The following ARHGAP26 variants were observed in gnomAD, a reference collection of about 807,000 sequenced individuals.
The protein encoded by ARHGAP26 is rho GTPase-activating protein 26.
A neutral mutation model predicts 104.8 loss-of-function variants in ARHGAP26; 38 were observed. That is an observed-to-expected ratio of 0.36 (90% CI 0.28 to 0.48). ARHGAP26 has a LOEUF of 0.48. ARHGAP26 is among the 20% of genes least tolerant of loss of function. ARHGAP26 has a pLI of 0.99. For missense variants in ARHGAP26, 704 were observed against 947.9 expected (o/e 0.74, Z 3.38); for synonymous variants, 341 against 340.0 (o/e 1.00, Z -0.03).
chr5:142,859,213 A>G (rs551912298), intron 1 of ARHGAP26, among the ~76,000 whole-genome samples: 225 of 152,208 alleles, frequency 1.5e-3, no homozygotes, highest in Non-Finnish European at 2.2e-3. Context: ...GGGGAGGCCA[A>G]TTAGGAGTCC....
intron 1 of ARHGAP26, among the ~76,000 whole-genome samples, chr5:142,794,549 A>G (rs1171994628): frequency 6.6e-6 from 1 of 152,170 alleles, no homozygotes; most frequent in Non-Finnish European, 1.5e-5. Context: ...AACCCTGGAC[A>G]TTCAAATTTG....
At chr5:143,020,723 C>G (rs546903493) in intron 12 of ARHGAP26, among the ~76,000 whole-genome samples, 1 of 151,050 alleles carries the variant, frequency 6.6e-6, no homozygotes, top group South Asian at 2.1e-4. Context: ...ACTGCAAGCT[C>G]CCCCTCCCGG....
intron 18 of ARHGAP26, among the ~76,000 whole-genome samples, chr5:143,129,048 G>C (rs866449700): frequency 1.3e-5 from 2 of 152,206 alleles, no homozygotes; most frequent in African/African-American, 4.8e-5. Flanking sequence ...ACATGGATAA[G>C]AACAGATTCC....
At chr5:142,921,485 A>C (rs1231659058) in intron 10 of ARHGAP26, 2 of 167,096 alleles carry the variant, frequency 1.2e-5, no homozygotes, top group Non-Finnish European at 2.9e-5. Flanking sequence ...TATTTAAACT[A>C]AACTTTTAGC....
intron 11 of ARHGAP26, among the ~76,000 whole-genome samples, chr5:142,981,220 C>T (rs1250136973): frequency 6.6e-6 from 1 of 152,212 alleles, no homozygotes; most frequent in Non-Finnish European, 1.5e-5. Flanking sequence ...GTTCAAGTCC[C>T]AACCTTGCTA....
chr5:142,826,743 C>G (rs1396879990), intron 1 of ARHGAP26, among the ~76,000 whole-genome samples: 4 of 152,090 alleles, frequency 2.6e-5, no homozygotes, highest in Non-Finnish European at 5.9e-5. Context: ...CCTTAAAGCC[C>G]AGGTCAGTCT....
chr5:143,184,737 C>A (rs1301613969), intron 20 of ARHGAP26, among the ~76,000 whole-genome samples: 3 of 152,164 alleles, frequency 2.0e-5, no homozygotes, highest in Non-Finnish European at 4.4e-5. Context: ...GGATCTGCCC[C>A]ATTTTTGCCT....
chr5:142,890,625 G>T (rs1758525465), intron 5 of ARHGAP26, among the ~76,000 whole-genome samples: 2 of 152,122 alleles, frequency 1.3e-5, no homozygotes, highest in Non-Finnish European at 2.9e-5. Flanking sequence ...AGAGAGACCA[G>T]TTAGGAGAGA....
At chr5:143,191,165 A>G (rs1193849673) in intron 20 of ARHGAP26, among the ~76,000 whole-genome samples, 1 of 152,242 alleles carries the variant, frequency 6.6e-6, no homozygotes, top group East Asian at 1.9e-4. Context: ...TAAGGCAGAT[A>G]AATTTCATGG....
intron 11 of ARHGAP26, 118 bp downstream of exon 11, chr5:142,932,243 C>A: frequency 1.1e-6 from 1 of 883,804 alleles, no homozygotes; most frequent in South Asian, 1.4e-5. Flanking sequence ...ACCAGTGTAC[C>A]AGAGGTGGTT....
At chr5:143,079,573 T>C (rs148843291) in intron 17 of ARHGAP26, among the ~76,000 whole-genome samples, 307 of 152,328 alleles carry the variant, frequency 2.0e-3, no homozygotes, top group African/African-American at 6.8e-3. Context: ...CCTGGTATTG[T>C]CGGCCCCATA....
intron 20 of ARHGAP26, chr5:143,202,666 A>G (rs113191756): frequency 3.3e-5 from 5 of 152,274 alleles, no homozygotes; most frequent in African/African-American, 1.2e-4. Context: ...TGCTACCTGG[A>G]TTCAAACTAT....
At chr5:142,985,478 G>C (rs994113962) in intron 11 of ARHGAP26, among the ~76,000 whole-genome samples, 1 of 151,742 alleles carries the variant, frequency 6.6e-6, no homozygotes, top group Non-Finnish European at 1.5e-5. Flanking sequence ...CTCCATTCAT[G>C]GTAAGCACTT....
At chr5:143,208,818 C>CT (rs1260466485) in intron 21 of ARHGAP26, among the ~76,000 whole-genome samples, 1 of 152,100 alleles carries the variant, frequency 6.6e-6, no homozygotes, top group Non-Finnish European at 1.5e-5. Context: ...TTCAGTAATT[C>CT]TTTTTTTTCT....
At chr5:143,216,269 A>T (rs771916442) in intron 22 of ARHGAP26, 36 of 471,008 alleles carry the variant, frequency 7.6e-5, no homozygotes, top group Non-Finnish European at 1.4e-4. Context: ...GGGCACTTCC[A>T]CTGGCCGCCT....
intron 18 of ARHGAP26, 21 bp from the exon 19 acceptor site, chr5:143,133,946 G>A (rs1599163747): frequency 6.3e-7 from 1 of 1,599,442 alleles, no homozygotes; most frequent in Non-Finnish European, 8.5e-7. Flanking sequence ...GAGTAACCTT[G>A]TTGTGAAACT....
chr5:143,159,613 C>T (rs1211326795), intron 20 of ARHGAP26, among the ~76,000 whole-genome samples: 1 of 152,168 alleles, frequency 6.6e-6, no homozygotes, highest in Non-Finnish European at 1.5e-5. Context: ...TCCCTGGAGC[C>T]TCAGAGTTAA....
At position 142,779,424 on chromosome 5, in the gene ARHGAP26, G is replaced by GGGGTGT. The variant is rs535615737; in HGVS notation, c.154+8510_154+8511insGGTGTG. ...AAGAGGAGATTCCTGGGGTTAGGGT[G>GGGGTGT]GTGTGTGTGTGTGTGTGTGTGTTTT... On this transcript the variant is annotated intron_variant, in intron 1 of 22. Coordinates refer to ENST00000645722, the MANE Select transcript of ARHGAP26 (RefSeq NM_001135608.3). Among the ~76,000 whole-genome samples, 381 of 149,776 alleles carry GGGGTGT rather than the reference G, an allele frequency of 2.5e-3. 2 individuals are homozygous for GGGGTGT. The highest frequency in any genetic ancestry group is 9.0e-3 in the African/African-American group (370 of 40,888).
chr5:143,158,004 A>G (rs1275458822), intron 20 of ARHGAP26, among the ~76,000 whole-genome samples: 2 of 152,234 alleles, frequency 1.3e-5, no homozygotes, highest in African/African-American at 4.8e-5. Context: ...AGGTTATAAG[A>G]TAATGCCTTC....
Sources: gnomAD v4.1 joint callset for allele counts (sites outside exome capture counted in the v4.1 genomes callset) on GRCh38, gnomAD v4.1.1 for gene constraint, MANE v1.5 for transcripts, NCBI Gene and HGNC (gene_info 2026-07-23, HGNC 2026-07-21) for gene names.